Variants in SLC4A5 observed in about 807,000 individuals in gnomAD.
SLC4A5 encodes solute carrier family 4 member 5.
SLC4A5 carries 96 observed loss-of-function variants against 120.4 expected under a neutral mutation model. The observed-to-expected ratio is 0.80, with a 90% CI of 0.68 to 0.94. The LOEUF is 0.94. Ranked by LOEUF, SLC4A5 falls within the 40% of genes least tolerant of loss-of-function variation. The probability of loss-of-function intolerance (pLI) is 0.00; values close to 1 mark genes in which losing one functional copy is unlikely to be tolerated. For synonymous variants in SLC4A5, 550 were observed against 571.1 expected (o/e 0.96, Z 0.53); for missense variants, 1,259 against 1,459.5 (o/e 0.86, Z 2.24).
In SLC4A5 at chr2:74,224,833, T is replaced by C; in HGVS notation, c.3246+7A>G. On this transcript the variant is annotated splice_region_variant and intron_variant, in intron 28 of 30. Transcript: ENST00000394019. ...TCCTCTGTGCCCCGGCCTCACATCTTCCCCACCTCCTCATCACAGTCCTCG... is the reference window on the plus strand; with the variant it reads ...TCCTCTGTGCCCCGGCCTCACATCTCCCCCACCTCCTCATCACAGTCCTCG... 1.9e-6 allele frequency: 3 copies of C among 1,604,788 alleles called. No individual in the cohort carries two copies. The highest frequency in any genetic ancestry group is 2.5e-6 in the Non-Finnish European group (3 of 1,177,960).
chr2:74,243,355 C>T (rs1670508811), intron 19 of SLC4A5, among the ~76,000 whole-genome samples: 1 of 152,232 alleles, frequency 6.6e-6, no homozygotes, highest in Admixed American at 6.5e-5. Context: ...TGCCCTCTCT[C>T]TTCTTCCTGA....
chr2:74,238,293 C>A (rs774219405), intron 21 of SLC4A5, among the ~76,000 whole-genome samples: 79 of 151,978 alleles, frequency 5.2e-4, no homozygotes, highest in Non-Finnish European at 9.1e-4. Flanking sequence ...CAGAAAAACT[C>A]AAAATTTGAA....
chr2:74,298,438 C>T (rs975017751), intron 7 of SLC4A5, among the ~76,000 whole-genome samples: 1 of 152,128 alleles, frequency 6.6e-6, no homozygotes, highest in African/African-American at 2.4e-5. Context: ...GGATTAAAGG[C>T]TTAAATGTAA....
chr2:74,253,427 T>C (rs1459912288), intron 14 of SLC4A5, among the ~76,000 whole-genome samples: 2 of 152,192 alleles, frequency 1.3e-5, no homozygotes, highest in Non-Finnish European at 2.9e-5. Context: ...ACATCATACA[T>C]ATTAGAAAAC....
chr2:74,232,781 C>A (rs1354590372), intron 23 of SLC4A5, 134 bp from the exon 24 acceptor site: 1 of 1,121,592 alleles, frequency 8.9e-7, no homozygotes, highest in South Asian at 1.5e-5. Context: ...GTGCTCCTTG[C>A]AAGGATTGCA....
rs79003008 is a variant in SLC4A5 at position 74,307,588 on chromosome 2, C to T, written c.80-2908G>A. 9.9e-4 allele frequency: 699 copies of T among 703,994 alleles called. 1 individual carries two copies. In the African/African-American group the frequency reaches 0.01, roughly 10 times the overall value. The allele number at this position is 703,994 out of a possible 1,614,324, so 43.6% of individuals were successfully genotyped here. A position where few individuals can be genotyped will look rare whatever the true frequency, so the allele number is the denominator to read the frequency against. ...ATGTGGGCATTGTCCACAGTATTTGCGAAGATCTGAGCGCTCATGTCCTCA... is the reference window on the plus strand; with the variant it reads ...ATGTGGGCATTGTCCACAGTATTTGTGAAGATCTGAGCGCTCATGTCCTCA... On this transcript the variant is annotated intron_variant, in intron 6 of 30. Transcript: ENST00000394019.
intron 7 of SLC4A5, among the ~76,000 whole-genome samples, chr2:74,288,370 T>C (rs1672052111): frequency 6.6e-6 from 1 of 152,154 alleles, no homozygotes; most frequent in Non-Finnish European, 1.5e-5. Context: ...CAGATCCCTC[T>C]TGTTATTTTA....
At chr2:74,315,798 A>G (rs1285170375) in intron 5 of SLC4A5, among the ~76,000 whole-genome samples, 1 of 151,856 alleles carries the variant, frequency 6.6e-6, no homozygotes, top group East Asian at 1.9e-4. Context: ...CTCTATCTCT[A>G]CGAAAAAGAA....
intron 30 of SLC4A5, among the ~76,000 whole-genome samples, chr2:74,219,251 C>T (rs1403155391): frequency 1.3e-5 from 2 of 149,546 alleles, no homozygotes; most frequent in Non-Finnish European, 3.0e-5. Flanking sequence ...TACTTCGGGC[C>T]TGTGTCCACT....
intron 8 of SLC4A5, among the ~76,000 whole-genome samples, chr2:74,281,459 C>T (rs1458025765): frequency 1.3e-5 from 2 of 152,016 alleles, no homozygotes; most frequent in Non-Finnish European, 2.9e-5. Context: ...GTGGTCGCCC[C>T]CACCCAATCT....
At chr2:74,265,070 A>G in intron 9 of SLC4A5, 34 bp downstream of exon 9, 1 of 1,596,786 alleles carries the variant, frequency 6.3e-7, no homozygotes, top group Non-Finnish European at 8.6e-7. Context: ...TGCAGGGACC[A>G]CAGGAGAGAT....
chr2:74,310,116 T>C (rs931927252), intron 6 of SLC4A5, among the ~76,000 whole-genome samples: 9 of 152,202 alleles, frequency 5.9e-5, no homozygotes, highest in Admixed American at 2.0e-4. Flanking sequence ...GGCTGGTATA[T>C]AGAAAAGCAA....
chr2:74,242,051 C>A, exon 20 of SLC4A5: 2 of 1,605,122 alleles, frequency 1.2e-6, no homozygotes, highest in South Asian at 2.2e-5. Flanking sequence ...CGGTTGTATT[C>A]ACTGTGGATG....
intron 2 of SLC4A5, chr2:74,339,323 C>A (rs1673570859): frequency 6.6e-6 from 1 of 152,056 alleles, no homozygotes; most frequent in Non-Finnish European, 1.5e-5. Context: ...GTGCAGCAAA[C>A]CACCATGGCA....
chr2:74,250,690 T>G, intron 16 of SLC4A5, 173 bp from the exon 17 acceptor site: 1 of 751,988 alleles, frequency 1.3e-6, no homozygotes, highest in Non-Finnish European at 2.1e-6. Flanking sequence ...CCTGTAGGAC[T>G]GAGTTTGTGG....
At chr2:74,285,243 T>C (rs1311699171) in intron 8 of SLC4A5, among the ~76,000 whole-genome samples, 1 of 152,180 alleles carries the variant, frequency 6.6e-6, no homozygotes, top group Non-Finnish European at 1.5e-5. Flanking sequence ...AATGAGACCC[T>C]GTCTCTGGAA....
intron 26 of SLC4A5, 195 bp downstream of exon 26, chr2:74,227,615 G>T: frequency 7.0e-7 from 1 of 1,420,956 alleles, no homozygotes; most frequent in Non-Finnish European, 9.8e-7. Context: ...ATTATATGAG[G>T]CCTATGAAGT....
exon 8 of SLC4A5, chr2:74,285,865 C>T (rs1671965927): frequency 6.2e-7 from 1 of 1,611,662 alleles, no homozygotes; most frequent in South Asian, 1.1e-5. Flanking sequence ...CATCTTCCTC[C>T]CCCAGGATGT....
At chr2:74,306,734 C>A in intron 6 of SLC4A5, 1 of 1,220,422 alleles carries the variant, frequency 8.2e-7, no homozygotes, top group South Asian at 1.2e-5. Flanking sequence ...CTTAATGTCT[C>A]AGAACTTTGG....
Sources: allele counts gnomAD v4.1 joint callset (sites outside exome capture counted in the v4.1 genomes callset), GRCh38; gene constraint gnomAD v4.1.1; transcripts MANE v1.5; gene names NCBI Gene and HGNC (gene_info 2026-07-23, HGNC 2026-07-21).